The following ZNF208 variants were observed in gnomAD, a reference collection of about 807,000 sequenced individuals.
ZNF208 encodes the protein zinc finger protein 208.
Under a neutral mutation model 12.1 loss-of-function variants are expected in ZNF208, and 10 were observed. That is an observed-to-expected ratio of 0.83 (90% CI 0.51 to 1.40). The LOEUF is 1.40. Ranked by LOEUF, ZNF208 falls within the 40% of genes most tolerant of loss-of-function variation. The pLI, the probability that ZNF208 is intolerant of heterozygous loss-of-function variation, is 0.00. For synonymous variants in ZNF208, 497 were observed against 488.4 expected, an observed-to-expected ratio of 1.02 and a Z score of -0.23; for missense variants, 1,652 against 1,485.0, an observed-to-expected ratio of 1.11 and a Z score of -1.85.
chr19:21,992,947 A>AT (rs1970768013), intron 1 of ZNF208, among the ~76,000 whole-genome samples: 2 of 152,004 alleles, frequency 1.3e-5, no homozygotes, highest in Non-Finnish European at 2.9e-5. Context: ...AGAAAAGGCC[A>AT]TTTTTTTCTC....
intron 3 of ZNF208, among the ~76,000 whole-genome samples, chr19:21,977,388 A>G (rs1479493801): frequency 3.3e-5 from 5 of 152,208 alleles, no homozygotes; most frequent in Admixed American, 3.3e-4. Flanking sequence ...GTTTCATCTC[A>G]TTCCAACTGG....
rs747747215 is a variant in ZNF208, at chr19:21,972,977, A to G, written c.2057T>C (p.Ile686Thr). 79 of 1,613,566 alleles carry G rather than the reference A, an allele frequency of 4.9e-5. No homozygotes were observed. Among genetic ancestry groups the G allele is most frequent in the Non-Finnish European group, 6.0e-5 (71 of 1,179,884 alleles). The change falls in exon 4 of 4, where the codon ATT becomes ACT. Residue 686 changes from isoleucine (I) to threonine (T), a missense_variant. Ile to Thr is a moderately conservative substitution (Grantham distance 89). Coordinates refer to ENST00000397126, the MANE Select transcript of ZNF208 (RefSeq NM_007153.3). ...KFSILTKHKV[I>T]HTGEKPYKCE... The stretch of plus-strand genomic sequence containing the variant: ...TTTGTAGGGTTTCTCTCCAGTATGA[A>G]TTACCTTATGTTTAGTAAGGATTGA...
chr19:22,003,908 C>G (rs2158106), intron 1 of ZNF208, among the ~76,000 whole-genome samples: 1 of 151,882 alleles, frequency 6.6e-6, no homozygotes, highest in Non-Finnish European at 1.5e-5. Context: ...TGTTGGCACA[C>G]GTCTGTAATC....
At chr19:21,986,722 AC>A (rs1970633884) in intron 3 of ZNF208, 1 of 256,588 alleles carries the variant, frequency 3.9e-6, no homozygotes, top group African/African-American at 2.2e-5. Context: ...AAGCAGAAGG[AC>A]ATCATACTTT....
chr19:21,982,616 C>T (rs117737986), intron 3 of ZNF208, among the ~76,000 whole-genome samples: 1,600 of 152,218 alleles, frequency 0.011, 21 homozygotes, highest in Non-Finnish European at 0.017. Flanking sequence ...TCAAATTACC[C>T]TATGAGGCTA....
chr19:21,996,631 G>A (rs1241863148), intron 1 of ZNF208, among the ~76,000 whole-genome samples: 2 of 152,024 alleles, frequency 1.3e-5, no homozygotes, highest in African/African-American at 4.8e-5. Flanking sequence ...GTCCTGCATG[G>A]GTAAAGTAGC....
chr19:21,965,095 C>G (rs1360495670), downstream of ZNF208, among the ~76,000 whole-genome samples: 1 of 151,870 alleles, frequency 6.6e-6, no homozygotes, highest in Admixed American at 6.6e-5. Flanking sequence ...TCCAGTAAAT[C>G]AAATGAGGCA....
intron 4 of ZNF208, among the ~76,000 whole-genome samples, chr19:21,953,376 G>A (rs1969922594): frequency 6.8e-6 from 1 of 148,080 alleles, no homozygotes; most frequent in Non-Finnish European, 1.5e-5. Context: ...GACTTACCAA[G>A]GTAAAAATGA....
intron 1 of ZNF208, among the ~76,000 whole-genome samples, chr19:21,992,948 T>C (rs937050766): frequency 9.2e-5 from 14 of 152,106 alleles, no homozygotes; most frequent in African/African-American, 3.4e-4. Flanking sequence ...GAAAAGGCCA[T>C]TTTTTTCTCC....
chr19:21,982,509 A>C (rs2145561365), intron 3 of ZNF208, among the ~76,000 whole-genome samples: 1 of 152,216 alleles, frequency 6.6e-6, no homozygotes, highest in Middle Eastern at 3.4e-3. Context: ...TAGAAAAAAA[A>C]CCGCTTTAAA....
chr19:21,983,938 G>A (rs765251669), intron 3 of ZNF208, among the ~76,000 whole-genome samples: 19 of 152,100 alleles, frequency 1.2e-4, no homozygotes, highest in African/African-American at 3.1e-4. Flanking sequence ...CCCATGGCAC[G>A]TGTATACCTA....
At chr19:21,988,355 G>A (rs1239718288) in intron 2 of ZNF208, among the ~76,000 whole-genome samples, 1 of 152,126 alleles carries the variant, frequency 6.6e-6, no homozygotes, top group Non-Finnish European at 1.5e-5. Context: ...TCCACTGGAG[G>A]CTATATGATA....
chr19:21,994,294 C>A (rs946269899), intron 1 of ZNF208, among the ~76,000 whole-genome samples: 1 of 152,110 alleles, frequency 6.6e-6, no homozygotes, highest in South Asian at 2.1e-4. Context: ...AAAGTAAGAT[C>A]CTATAATACA....
At chr19:21,951,483 T>C (rs1969886799) in intron 4 of ZNF208, among the ~76,000 whole-genome samples, 1 of 152,156 alleles carries the variant, frequency 6.6e-6, no homozygotes, top group Non-Finnish European at 1.5e-5. Flanking sequence ...TTAAGCAAAT[T>C]TTTGAAATAC....
chr19:21,953,155 T>C (rs1969918813), intron 4 of ZNF208, among the ~76,000 whole-genome samples: 3 of 152,138 alleles, frequency 2.0e-5, no homozygotes, highest in African/African-American at 7.2e-5. Flanking sequence ...CCAAGAACTG[T>C]GGGACTATGT....
At chr19:21,982,586 A>G (rs2145561448) in intron 3 of ZNF208, among the ~76,000 whole-genome samples, 1 of 152,302 alleles carries the variant, frequency 6.6e-6, no homozygotes, top group East Asian at 1.9e-4. Context: ...ACAAAGCTGG[A>G]GGCATCATGC....
intron 1 of ZNF208, among the ~76,000 whole-genome samples, chr19:22,001,919 AAAG>A (rs1970960265): frequency 6.9e-6 from 1 of 145,502 alleles, no homozygotes; most frequent in African/African-American, 2.6e-5. Flanking sequence ...AAAAAAAAAA[AAAG>A]AAAAAAGAAA....
At chr19:21,997,780 A>G (rs1173205919) in intron 1 of ZNF208, 4 of 153,618 alleles carry the variant, frequency 2.6e-5, no homozygotes, top group African/African-American at 9.6e-5. Context: ...TGAAAAAAAT[A>G]CTGCTGGGTT....
At chr19:21,991,738 C>T (rs1970739836) in intron 1 of ZNF208, 1 of 99,720 alleles carries the variant, frequency 1.0e-5, no homozygotes, top group African/African-American at 5.7e-5. Context: ...GAAACTCCAT[C>T]TCAAAAAAAA....
Sources: gnomAD v4.1 joint callset for allele counts (sites outside exome capture counted in the v4.1 genomes callset) on GRCh38, gnomAD v4.1.1 for gene constraint, MANE v1.5 for transcripts, NCBI Gene and HGNC (gene_info 2026-07-23, HGNC 2026-07-21) for gene names.